RBBP4: variants seen among roughly 807,000 people sequenced by gnomAD.
RBBP4 encodes the protein histone-binding protein RBBP4.
In RBBP4, 3 loss-of-function variants were observed where a neutral mutation model predicts 57.2. The observed-to-expected ratio is 0.05, with a 90% CI of 0.02 to 0.14. The LOEUF (loss-of-function observed/expected upper bound fraction) is 0.14. RBBP4 is among the 10% of genes least tolerant of loss of function. The pLI is 1.00. For missense variants in RBBP4, 107 were observed against 520.6 expected (o/e 0.21, Z 7.73); for synonymous variants, 151 against 171.5 (o/e 0.88, Z 0.93).
At chr1:32,676,156 CAT>C (rs1649093330) in intron 11 of RBBP4, among the ~76,000 whole-genome samples, 4 of 152,258 alleles carry the variant, frequency 2.6e-5, no homozygotes, top group Admixed American at 2.6e-4. Context: ...GCCTAGATGA[CAT>C]AGCGAGACCC....
chr1:32,655,174 G>T (rs1261503880), intron 2 of RBBP4, among the ~76,000 whole-genome samples: 1 of 151,786 alleles, frequency 6.6e-6, no homozygotes, highest in African/African-American at 2.4e-5. Flanking sequence ...AAATTTTTTT[G>T]CTATGTTGTC....
At chr1:32,651,628 C>G in intron 1 of RBBP4, 1 of 821,858 alleles carries the variant, frequency 1.2e-6, no homozygotes. Context: ...CCACAAGGCT[C>G]GGAGCTCGGG....
chr1:32,673,581 G>C, intron 11 of RBBP4: 1 of 324,534 alleles, frequency 3.1e-6, no homozygotes, highest in South Asian at 2.3e-5. Flanking sequence ...GGGACTATAG[G>C]TGCGTACCAC....
At chr1:32,657,769 T>G in intron 3 of RBBP4, 197 bp downstream of exon 3, 1 of 539,842 alleles carries the variant, frequency 1.9e-6, no homozygotes, top group Non-Finnish European at 3.0e-6. Context: ...GTTCTGTACC[T>G]TCACAATAAA....
chr1:32,664,570 A>C (rs139342261), intron 3 of RBBP4, among the ~76,000 whole-genome samples: 2 of 152,036 alleles, frequency 1.3e-5, no homozygotes, highest in African/African-American at 4.8e-5. Flanking sequence ...CTCTTGCCTC[A>C]GTCTCCTGAG....
rs543354616 is a variant in RBBP4, at chr1:32,684,585, G to A, written c.*4880G>A. ...TGACAATGCTTTTGAAAATGATGAC[G>A]AAAAAGGCATCTTGTCTGTTAACCA... On this transcript the variant is annotated 3_prime_UTR_variant, in exon 12 of 12. Transcript: ENST00000373493. The A allele has an allele frequency of 1.9e-4, 129 of 679,276 alleles. No homozygotes were observed. Among genetic ancestry groups the A allele is most frequent in the Middle Eastern group, 1.5e-3 (4 of 2,644 alleles). 42.1% of individuals were successfully genotyped at this position (679,276 alleles called of 1,614,324 possible). A position where few individuals can be genotyped will look rare whatever the true frequency, so the allele number is the denominator to read the frequency against.
rs1649391242 is a variant in RBBP4, at chr1:32,680,899, T to C, written c.*1194T>C. Reference sequence around the variant, plus strand: ...GATAAGGTAACGTTTCTTTGAAGTCTATCTGTAGAGAACTACATGGACTTC... The same window carrying C: ...GATAAGGTAACGTTTCTTTGAAGTCCATCTGTAGAGAACTACATGGACTTC... On this transcript the variant is annotated 3_prime_UTR_variant, in exon 12 of 12. Coordinates refer to ENST00000373493, the MANE Select transcript of RBBP4 (RefSeq NM_005610.3). The C allele has an allele frequency of 4.2e-6, 1 of 239,010 alleles. No individual in the cohort carries two copies. The highest frequency in any genetic ancestry group is 2.2e-5 in the African/African-American group (1 of 44,582). 14.8% of individuals were successfully genotyped at this position (239,010 alleles called of 1,614,324 possible). A position where few individuals can be genotyped will look rare whatever the true frequency, so the allele number is the denominator to read the frequency against.
chr1:32,663,260 C>T (rs557149351), intron 3 of RBBP4, among the ~76,000 whole-genome samples: 67 of 152,130 alleles, frequency 4.4e-4, no homozygotes, highest in African/African-American at 9.4e-4. Flanking sequence ...CATCAAGCTA[C>T]GACGATTTGT....
At position 32,684,668 on chromosome 1, in the gene RBBP4, T is replaced by G; in HGVS notation, c.*4963T>G. 1 of 337,666 alleles carries G rather than the reference T, an allele frequency of 3.0e-6. No individual in the cohort carries two copies. Among genetic ancestry groups the G allele is most frequent in the Non-Finnish European group, 5.5e-6 (1 of 180,418 alleles). 20.9% of individuals were successfully genotyped at this position (337,666 alleles called of 1,614,324 possible). A position where few individuals can be genotyped will look rare whatever the true frequency, so the allele number is the denominator to read the frequency against. ...TTGGGACTTTTTAGTATTACAACCT[T>G]AGTGTCATTGAGGAGGATTTTGGTC... On this transcript the variant is annotated 3_prime_UTR_variant, in exon 12 of 12. Coordinates refer to ENST00000373493, the MANE Select transcript of RBBP4 (RefSeq NM_005610.3).
intron 9 of RBBP4, 58 bp downstream of exon 9, chr1:32,672,584 A>G (rs1648924169): frequency 4.4e-6 from 7 of 1,599,700 alleles, no homozygotes; most frequent in Middle Eastern, 1.7e-4. Context: ...TACACTTTGC[A>G]AAGGTAGTTA....
chr1:32,684,017 C>T lies in RBBP4; in HGVS notation c.*4312C>T, dbSNP rs1649632182. 3.1e-6 allele frequency: 5 copies of T among 1,613,982 alleles called. No individual in the cohort carries two copies. Among genetic ancestry groups the T allele is most frequent in the Non-Finnish European group, 4.2e-6 (5 of 1,179,934 alleles). ...TCTCTTCACAAAGATCACCTTGAGA[C>T]TGTGTCTCCATTCCACCTGCCTGAG... is the stretch of plus-strand genomic sequence containing the variant. On this transcript the variant is annotated 3_prime_UTR_variant, in exon 12 of 12. Coordinates refer to ENST00000373493, the MANE Select transcript of RBBP4 (RefSeq NM_005610.3).
chr1:32,663,162 T>C (rs1445489391), intron 3 of RBBP4, among the ~76,000 whole-genome samples: 1 of 152,114 alleles, frequency 6.6e-6, no homozygotes, highest in Admixed American at 6.6e-5. Flanking sequence ...TTTGAGGACA[T>C]AGTATTGACT....
intron 3 of RBBP4, 146 bp downstream of exon 3, chr1:32,657,718 TAG>T: frequency 1.1e-6 from 1 of 895,794 alleles, no homozygotes. Context: ...ATATTTATAT[TAG>T]AGTTTTAGGT....
chr1:32,668,928 G>A, intron 5 of RBBP4, 44 bp from the exon 6 acceptor site: 1 of 1,612,918 alleles, frequency 6.2e-7, no homozygotes, highest in Non-Finnish European at 8.5e-7. Context: ...TGTGTGGGGA[G>A]GTGAGAATCT....
At position 32,684,289 on chromosome 1, in the gene RBBP4, G is replaced by A. The variant is rs761344889; in HGVS notation, c.*4584G>A. On this transcript the variant is annotated 3_prime_UTR_variant, in exon 12 of 12. Transcript: ENST00000373493. ...GTAGAGAGCTCTTCAGCAAGACTGA[G>A]CCTTAGCTGTTCCATCTCTTTGTTC... 2 of 1,614,204 alleles carry A rather than the reference G, an allele frequency of 1.2e-6. No homozygotes were observed. The highest frequency in any genetic ancestry group is 3.3e-5 in the Admixed American group (2 of 60,020).
chr1:32,672,600 GGTAAAT>G, intron 9 of RBBP4, 36 bp from the exon 10 acceptor site: 1 of 1,604,470 alleles, frequency 6.2e-7, no homozygotes, highest in South Asian at 1.1e-5. Context: ...AGTTACTAAG[GGTAAAT>G]CTGTTTTAAC....
intron 3 of RBBP4, among the ~76,000 whole-genome samples, chr1:32,661,976 C>G (rs612418): frequency 7.8e-6 from 1 of 128,652 alleles, no homozygotes; most frequent in Non-Finnish European, 1.6e-5. Flanking sequence ...ACTTCCGCCT[C>G]TTGGGTTCAA....
chr1:32,658,354 G>C (rs781377918), intron 3 of RBBP4, among the ~76,000 whole-genome samples: 2 of 62,996 alleles, frequency 3.2e-5, no homozygotes, highest in Non-Finnish European at 6.4e-5. Context: ...TCTTAGAGGA[G>C]CAATAGTAAA....
Position 32,663,061 on chromosome 1 carries a change from A to G in RBBP4, c.311-5164A>G, listed in dbSNP as rs570400861. ...GTCCAAATTTATAATAAATTATTAT[A>G]TATTTTACTCAAGCTGGTAGATTCT... On this transcript the variant is annotated intron_variant, in intron 3 of 11. Coordinates refer to ENST00000373493, the MANE Select transcript of RBBP4 (RefSeq NM_005610.3). Among the ~76,000 whole-genome samples the G allele has an allele frequency of 3.3e-5, 5 of 152,260 alleles. No homozygotes were observed. In the East Asian group the frequency reaches 9.7e-4, roughly 29 times the overall value.
Sources: allele counts gnomAD v4.1 joint callset (sites outside exome capture counted in the v4.1 genomes callset), GRCh38; gene constraint gnomAD v4.1.1; transcripts MANE v1.5; gene names NCBI Gene and HGNC (gene_info 2026-07-23, HGNC 2026-07-21).